CAPN14: variants seen among roughly 807,000 people sequenced by gnomAD.
CAPN14 encodes calpain-14.
A neutral mutation model predicts 101.3 loss-of-function variants in CAPN14; 94 were observed. That is an observed-to-expected ratio of 0.93 (90% confidence interval 0.79 to 1.10). CAPN14 has a LOEUF of 1.10. Among genes scored for constraint, CAPN14 ranks in the 50% least tolerant of loss-of-function variants. CAPN14 has a pLI of 0.00. For missense variants in CAPN14, 837 were observed against 828.4 expected (o/e 1.01, Z -0.13); for synonymous variants, 338 against 317.9 (o/e 1.06, Z -0.67).
chr2:31,189,327 G>A lies in CAPN14; in HGVS notation c.1439C>T (p.Ala480Val), dbSNP rs1681060677. 2.6e-6 allele frequency: 4 copies of A among 1,551,590 alleles called. No homozygotes were observed. Among genetic ancestry groups the A allele is most frequent in the African/African-American group, 2.7e-5 (2 of 73,046 alleles). Residue 480 changes from alanine (A) to valine (V), a missense_variant, in exon 13 of 22, where the codon GCC becomes GTC. Physicochemically the swap from Ala to Val is moderately conservative, Grantham distance 64. Transcript: ENST00000403897. ...TYLIVPCILEAHQKSEFVLRV... is the reference protein window; with the variant it reads ...TYLIVPCILEVHQKSEFVLRV... ...GAGGACGAACTCTGACTTCTGGTGG[G>A]CCTCCAATATGCAGGGCACGATGAG...
chr2:31,220,687 G>T (rs1682837249), upstream of CAPN14, among the ~76,000 whole-genome samples: 1 of 152,166 alleles, frequency 6.6e-6, no homozygotes. Flanking sequence ...AAATTAGCTG[G>T]GTGTGGTGGC....
chr2:31,191,881 G>T, intron 11 of CAPN14, 54 bp downstream of exon 11: 1 of 1,443,866 alleles, frequency 6.9e-7, no homozygotes, highest in Non-Finnish European at 9.3e-7. Context: ...CATGGTAACT[G>T]TTGGTGACCC....
chr2:31,211,252 G>GGGAA (rs1682387382), intron 1 of CAPN14, among the ~76,000 whole-genome samples: 1 of 150,780 alleles, frequency 6.6e-6, no homozygotes. Context: ...GAGAAAGAGA[G>GGGAA]GGAGGGAGGA....
chr2:31,218,040 A>G (rs1221230978), upstream of CAPN14, among the ~76,000 whole-genome samples: 1 of 152,060 alleles, frequency 6.6e-6, no homozygotes, highest in African/African-American at 2.4e-5. Flanking sequence ...TGCTATTGAG[A>G]TCGCTCCCTC....
chr2:31,199,895 C>A (rs1681663063), intron 6 of CAPN14, among the ~76,000 whole-genome samples: 2 of 152,330 alleles, frequency 1.3e-5, no homozygotes, highest in East Asian at 3.9e-4. Context: ...GTGGAAAGTG[C>A]CTTGCATGTA....
chr2:31,179,438 T>C (rs1436756807), intron 17 of CAPN14, among the ~76,000 whole-genome samples: 3 of 152,214 alleles, frequency 2.0e-5, no homozygotes, highest in Non-Finnish European at 1.5e-5. Flanking sequence ...CCACGGTGTA[T>C]ATATGCCACA....
upstream of CAPN14, among the ~76,000 whole-genome samples, chr2:31,218,898 C>T (rs116596726): frequency 9.3e-3 from 1,410 of 152,312 alleles, 28 homozygotes; most frequent in African/African-American, 0.032. Flanking sequence ...CAAATAGCCA[C>T]CCTTCCTCGC....
intron 13 of CAPN14, 121 bp from the exon 14 acceptor site, chr2:31,188,475 C>T: frequency 6.2e-6 from 5 of 806,468 alleles, no homozygotes; most frequent in Non-Finnish European, 8.3e-6. Flanking sequence ...CAAGGGCCCA[C>T]CCAGCTCTCA....
intron 2 of CAPN14, among the ~76,000 whole-genome samples, chr2:31,225,815 A>C (rs971569369): frequency 6.6e-6 from 1 of 152,128 alleles, no homozygotes; most frequent in African/African-American, 2.4e-5. Flanking sequence ...ACAAAAGAAA[A>C]GATTGAAGCA....
intron 15 of CAPN14, among the ~76,000 whole-genome samples, 173 bp downstream of exon 15, chr2:31,187,585 A>G (rs1315902724): frequency 6.6e-6 from 1 of 152,206 alleles, no homozygotes; most frequent in Non-Finnish European, 1.5e-5. Flanking sequence ...GGCTCCACTC[A>G]TTTGTCTAAA....
rs868344221 is a variant in CAPN14 at position 31,202,227 on chromosome 2, C to A, written c.321G>T (p.Leu107Phe). Residue 107 changes from leucine (L) to phenylalanine (F), a missense_variant, in exon 4 of 22, where the codon TTG becomes TTT. Leu to Phe is a conservative substitution (Grantham distance 22). Coordinates refer to ENST00000403897, the MANE Select transcript of CAPN14 (RefSeq NM_001145122.2). ...IVGDCWFLAALQALALHQDIL... is the reference protein window; with the variant it reads ...IVGDCWFLAAFQALALHQDIL... ...TGTCCTGGTGCAAGGCCAGAGCTTG[C>A]AAAGCAGCCAAGAACCAGCAGTCTC... The A allele has an allele frequency of 1.5e-5, 23 of 1,551,424 alleles. No homozygotes were observed. Among genetic ancestry groups the A allele is most frequent in the Admixed American group, 9.8e-5 (5 of 50,942 alleles).
At chr2:31,182,035 G>C (rs9798048) in intron 16 of CAPN14, among the ~76,000 whole-genome samples, 50,050 of 151,312 alleles carry the variant, frequency 0.33, 9,792 homozygotes, top group African/African-American at 0.54. Flanking sequence ...TGGGTATATA[G>C]CCAGTAATGG....
In CAPN14 at chr2:31,203,116, A is replaced by G. The variant is rs922368340; in HGVS notation, c.249T>C (p.Phe83=). 12 of 1,551,632 alleles carry G rather than the reference A, an allele frequency of 7.7e-6. No individual in the cohort carries two copies. Among genetic ancestry groups the G allele is most frequent in the Non-Finnish European group, 9.6e-6 (11 of 1,146,960 alleles). ...RPPELHSNPQ[F]YFAKAKRLDL... Reference sequence around the variant, plus strand: ...CCAGCCTTTTGGCCTTGGCAAAATAAAACTGGGGATTGCTGTGCAGCTCCT... The same window carrying G: ...CCAGCCTTTTGGCCTTGGCAAAATAGAACTGGGGATTGCTGTGCAGCTCCT... The change falls in exon 3 of 22, where the codon TTT becomes TTC. Residue 83 remains phenylalanine (F), a synonymous_variant. Transcript: ENST00000403897.
intron 1 of CAPN14, among the ~76,000 whole-genome samples, chr2:31,229,671 C>G (rs1187058764): frequency 2.5e-5 from 3 of 120,056 alleles, no homozygotes; most frequent in Non-Finnish European, 3.5e-5. Flanking sequence ...AGAGCAAGAC[C>G]CTATGTCCAA....
intron 20 of CAPN14, 93 bp downstream of exon 20, chr2:31,176,933 G>A (rs1680324904): frequency 2.5e-5 from 23 of 929,758 alleles, no homozygotes; most frequent in South Asian, 1.6e-4. Flanking sequence ...CTGGGATGGC[G>A]GCTGTCCTCC....
At chr2:31,231,186 A>G (rs1230040073) in intron 1 of CAPN14, among the ~76,000 whole-genome samples, 1 of 151,534 alleles carries the variant, frequency 6.6e-6, no homozygotes, top group East Asian at 1.9e-4. Context: ...CTTCTCCTGG[A>G]ATATCTAAGC....
At chr2:31,196,221 A>G (rs1386592999) in intron 8 of CAPN14, among the ~76,000 whole-genome samples, 1 of 152,222 alleles carries the variant, frequency 6.6e-6, no homozygotes, top group Non-Finnish European at 1.5e-5. Flanking sequence ...CTCTGGATCC[A>G]AGAACTTAAG....
chr2:31,223,263 C>T (rs1462913795), intron 2 of CAPN14, among the ~76,000 whole-genome samples: 1 of 152,208 alleles, frequency 6.6e-6, no homozygotes, highest in Non-Finnish European at 1.5e-5. Context: ...GGCAATACCA[C>T]GGTACTAAAT....
intron 16 of CAPN14, among the ~76,000 whole-genome samples, chr2:31,185,675 A>C (rs1660888458): frequency 1.3e-5 from 2 of 152,152 alleles, no homozygotes; most frequent in African/African-American, 2.4e-5. Flanking sequence ...TGGCTTTGAG[A>C]AGCCTTTTGC....
Sources: allele counts gnomAD v4.1 joint callset (sites outside exome capture counted in the v4.1 genomes callset), GRCh38; gene constraint gnomAD v4.1.1; transcripts MANE v1.5; gene names NCBI Gene and HGNC (gene_info 2026-07-23, HGNC 2026-07-21).